Variants in ZFAND2B observed in about 807,000 individuals in gnomAD.
ZFAND2B encodes the protein AN1-type zinc finger protein 2B.
Under a neutral mutation model 38.2 loss-of-function variants are expected in ZFAND2B, and 27 were observed. That is an observed-to-expected ratio of 0.71 (90% CI 0.52 to 0.97). The LOEUF is 0.97. Ranked by LOEUF, ZFAND2B falls within the 50% of genes least tolerant of loss-of-function variation. The pLI is 0.00. For missense variants in ZFAND2B, 303 were observed against 331.5 expected, an observed-to-expected ratio of 0.91 and a Z score of 0.67; for synonymous variants, 111 against 119.4, an observed-to-expected ratio of 0.93 and a Z score of 0.46.
chr2:219,207,291 T>C (rs186791156), intron 1 of ZFAND2B, 36 bp from the exon 2 acceptor site: 2 of 1,602,526 alleles, frequency 1.2e-6, no homozygotes, highest in Non-Finnish European at 1.7e-6. Flanking sequence ...GACATCGAGG[T>C]CCCGCTGGAC....
chr2:219,208,753 C>T, intron 7 of ZFAND2B, 114 bp downstream of exon 7: 1 of 1,278,786 alleles, frequency 7.8e-7, no homozygotes, highest in South Asian at 1.3e-5. Flanking sequence ...AACTTGGTCT[C>T]AAAATTAAGA....
chr2:219,209,484 A>G lies in ZFAND2B; in HGVS notation c.*178A>G, dbSNP rs1950544941. The G allele has an allele frequency of 1.3e-6, 1 of 787,410 alleles. No individual in the cohort carries two copies. The highest frequency in any genetic ancestry group is 2.2e-6 in the Non-Finnish European group (1 of 451,630). 48.8% of individuals were successfully genotyped at this position (787,410 alleles called of 1,614,324 possible). Reference sequence around the variant, plus strand: ...CTAGTGCTCCAGCTGCATGGAAGAGAGCGGCTAGCAACTGTTCCCTGGTTG... The same window carrying G: ...CTAGTGCTCCAGCTGCATGGAAGAGGGCGGCTAGCAACTGTTCCCTGGTTG... On this transcript the variant is annotated 3_prime_UTR_variant, in exon 9 of 9. Coordinates refer to ENST00000289528, the MANE Select transcript of ZFAND2B (RefSeq NM_138802.3).
Position 219,209,265 on chromosome 2 carries a change from C to G in ZFAND2B, c.733C>G (p.Gln245Glu). Reference sequence around the variant, plus strand: ...CCTTCCCCTCTCTTTGCTCTAGGCCCAGAGCCGCAGCTCGAAGCCGTCCAA... The same window carrying G: ...CCTTCCCCTCTCTTTGCTCTAGGCCGAGAGCCGCAGCTCGAAGCCGTCCAA... ...SEAEYQRQQA[Q>E]SRSSKPSNCS... is the part of the protein sequence containing the mutation. The change falls in exon 9 of 9, where the codon CAG (glutamine) becomes GAG (glutamate). Residue 245 changes from glutamine to glutamate, a missense_variant. Transcript: ENST00000289528. The G allele has an allele frequency of 6.2e-7, 1 of 1,609,222 alleles. No homozygotes were observed. Among genetic ancestry groups the G allele is most frequent in the Non-Finnish European group, 8.5e-7 (1 of 1,178,186 alleles).
chr2:219,208,783 C>G (rs1231621324), intron 7 of ZFAND2B, 144 bp downstream of exon 7: 2 of 1,109,470 alleles, frequency 1.8e-6, no homozygotes, highest in Non-Finnish European at 2.6e-6. Context: ...TGATCTTTGA[C>G]AAGTTATTTA....
At chr2:219,208,148 G>A in intron 4 of ZFAND2B, 108 bp from the exon 5 acceptor site, 3 of 1,592,432 alleles carry the variant, frequency 1.9e-6, no homozygotes, top group Non-Finnish European at 2.6e-6. Context: ...TCGGCTAGGG[G>A]AGTCTTTTAG....
chr2:219,208,983 G>A lies in ZFAND2B; in HGVS notation c.663G>A (p.Gln221=). Residue 221 remains glutamine, a synonymous_variant, in exon 8 of 9, where the codon CAG becomes CAA. Coordinates refer to ENST00000289528, the MANE Select transcript of ZFAND2B (RefSeq NM_138802.3). ...AACTGTTTCTCCCTCCCAGTTGTCA[G>A]GAGGAAGAAGACCTAGCTTTAGCAC... ...AETKPQVPSC[Q]EEEDLALAQA... 6.2e-7 allele frequency: 1 copy of A among 1,614,190 alleles called. No individual in the cohort carries two copies. The highest frequency in any genetic ancestry group is 8.5e-7 in the Non-Finnish European group (1 of 1,180,032).
In ZFAND2B at chr2:219,208,659, AAG is replaced by A. The variant is rs778498444; in HGVS notation, c.656+25_656+26del. The A allele has an allele frequency of 3.1e-6, 5 of 1,613,688 alleles. No individual in the cohort carries two copies. The highest frequency in any genetic ancestry group is 3.4e-6 in the Non-Finnish European group (4 of 1,179,834). ...TCCAAGGTACCTTACCCTCTTGTGA[AAG>A]AGAGCGCAAGCTGTGGGCAAGGGCT... is the stretch of plus-strand genomic sequence containing the variant. On this transcript the variant is annotated intron_variant, in intron 7 of 8. Coordinates refer to ENST00000289528, the MANE Select transcript of ZFAND2B (RefSeq NM_138802.3).
chr2:219,208,060 A>G (rs1950516122), intron 4 of ZFAND2B, 22 bp downstream of exon 4: 1 of 1,613,640 alleles, frequency 6.2e-7, no homozygotes, highest in East Asian at 2.2e-5. Context: ...CAAGTCCTCC[A>G]CTTGCTTTTG....
At chr2:219,207,548 T>C (rs1353599082) in intron 2 of ZFAND2B, 100 bp from the exon 3 acceptor site, 7 of 1,591,378 alleles carry the variant, frequency 4.4e-6, no homozygotes, top group Non-Finnish European at 5.2e-6. Flanking sequence ...AAACACTGTT[T>C]TTTTGCGTGT....
At position 219,208,570 on chromosome 2, in the gene ZFAND2B, A is replaced by G. The variant is rs1247350445; in HGVS notation, c.589-2A>G. On this transcript the variant is annotated splice_acceptor_variant, in intron 6 of 8. Transcript: ENST00000289528. LOFTEE classifies it high-confidence loss of function. ...ACGCTGGTCTTCTTTCTCCCTTTGTAGAGTGAGGATGAAGCTCTGCAGCGG... is the reference window on the plus strand; with the variant it reads ...ACGCTGGTCTTCTTTCTCCCTTTGTGGAGTGAGGATGAAGCTCTGCAGCGG... 6.2e-7 allele frequency: 1 copy of G among 1,614,140 alleles called. No homozygotes were observed. The highest frequency in any genetic ancestry group is 1.3e-5 in the African/African-American group (1 of 74,962).
At position 219,206,977 on chromosome 2, in the gene ZFAND2B, C is replaced by T. The variant is rs1247895295; in HGVS notation, c.-11C>T. ...CGTCGCTTCTCCTAGCAGACCCTGCCCGGCTTGGCGATGGAGTTTCCGGAC... is the reference window on the plus strand; with the variant it reads ...CGTCGCTTCTCCTAGCAGACCCTGCTCGGCTTGGCGATGGAGTTTCCGGAC... On this transcript the variant is annotated 5_prime_UTR_variant, in exon 1 of 9. Transcript: ENST00000289528. 1.2e-6 allele frequency: 2 copies of T among 1,612,398 alleles called. No homozygotes were observed. Among genetic ancestry groups the T allele is most frequent in the East Asian group, 4.5e-5 (2 of 44,786 alleles).
rs1034112346 is a variant in ZFAND2B, at chr2:219,208,292, T to C, written c.471T>C (p.Ser157=). Residue 157 remains serine, a synonymous_variant, in exon 5 of 9, where the codon TCT becomes TCC. Coordinates refer to ENST00000289528, the MANE Select transcript of ZFAND2B (RefSeq NM_138802.3). The stretch of plus-strand genomic sequence containing the variant: ...TCTCCAGAGCACAAGCTGTGGCTTC[T>C]ACAAGCACTGTCCCCAGCCCAAGTC... ...AAISRAQAVA[S]TSTVPSPSQT... is the part of the protein sequence containing the mutation. 2.5e-6 allele frequency: 4 copies of C among 1,614,100 alleles called. No individual in the cohort carries two copies. Among genetic ancestry groups the C allele is most frequent in the African/African-American group, 1.3e-5 (1 of 74,928 alleles).
rs1272112977 is a variant in ZFAND2B, at chr2:219,207,400, C to T, written c.129C>T (p.His43=). Residue 43 remains histidine, a synonymous_variant, in exon 2 of 9, where the codon CAC becomes CAT. Transcript: ENST00000289528. ...CADHVAYAQH[H]CGSAYQKDIQ... Reference sequence around the variant, plus strand: ...ACCATGTGGCCTACGCCCAGCATCACTGTGGATCTGCTTACCAAAAGGTGA... The same window carrying T: ...ACCATGTGGCCTACGCCCAGCATCATTGTGGATCTGCTTACCAAAAGGTGA... 2.5e-6 allele frequency: 4 copies of T among 1,611,498 alleles called. No individual in the cohort carries two copies. Among genetic ancestry groups the T allele is most frequent in the East Asian group, 2.2e-5 (1 of 44,784 alleles).
intron 3 of ZFAND2B, 28 bp downstream of exon 3, chr2:219,207,807 C>G (rs767520105): frequency 6.2e-7 from 1 of 1,613,756 alleles, no homozygotes; most frequent in Non-Finnish European, 8.5e-7. Context: ...CAGCCACAAC[C>G]CAGCTGGGAC....
In ZFAND2B at chr2:219,209,613, G is replaced by T. The variant is rs1559233431; in HGVS notation, c.*307G>T. 1 of 648,894 alleles carries T rather than the reference G, an allele frequency of 1.5e-6. No individual in the cohort carries two copies. The highest frequency in any genetic ancestry group is 3.0e-5 in the East Asian group (1 of 33,102). 40.2% of individuals were successfully genotyped at this position (648,894 alleles called of 1,614,324 possible). A position where few individuals can be genotyped will look rare whatever the true frequency, so the allele number is the denominator to read the frequency against. ...TGTGGAGTGGGCAGGAAGGGGCCTG[G>T]AAAAAATAAAGGATCTTGGCAGTTG... On this transcript the variant is annotated 3_prime_UTR_variant, in exon 9 of 9. Transcript: ENST00000289528.
Position 219,207,960 on chromosome 2 carries a change from G to A in ZFAND2B, c.356G>A (p.Ser119Asn). Residue 119 changes from serine (S) to asparagine (N), a missense_variant, in exon 4 of 9, where the codon AGC (serine) becomes AAC (asparagine). By Grantham distance (46) the Ser-to-Asn change is conservative (BLOSUM62 1). Transcript: ENST00000289528. Reference sequence around the variant, plus strand: ...ATGAAACTGACCTGTGAACGCTGTAGCCGAAACTTCTGCATCAAGCACCGG... The same window carrying A: ...ATGAAACTGACCTGTGAACGCTGTAACCGAAACTTCTGCATCAAGCACCGG... ...EMMKLTCERC[S>N]RNFCIKHRHP... 1 of 1,614,166 alleles carries A rather than the reference G, an allele frequency of 6.2e-7. No individual in the cohort carries two copies.
In ZFAND2B at chr2:219,208,026, C is replaced by T. The variant is rs185793898; in HGVS notation, c.422C>T (p.Thr141Ile). ...DHDCSGEGHP[T>I]SRAGLAAISR... ...GATTGCTCTGGGGAGGGGCACCCAA[C>T]CAGCCGGGCAGGGTAATGGCAGCCA... The change falls in exon 4 of 9, where the codon ACC becomes ATC. Residue 141 changes from threonine (T) to isoleucine (I), a missense_variant. Coordinates refer to ENST00000289528, the MANE Select transcript of ZFAND2B (RefSeq NM_138802.3). The T allele has an allele frequency of 6.2e-7, 1 of 1,614,080 alleles. No individual in the cohort carries two copies. The highest frequency in any genetic ancestry group is 8.5e-7 in the Non-Finnish European group (1 of 1,180,044).
chr2:219,207,728 A>G lies in ZFAND2B; in HGVS notation c.231A>G (p.Gly77=), dbSNP rs1950508592. ...GGGAGCCCCCTGACCGTGCTGTGGG[A>G]GAGCACATTGACAGAGACTGTCGCT... ...ARGEPPDRAV[G]EHIDRDCRSD... The change falls in exon 3 of 9, where the codon GGA becomes GGG. Residue 77 remains glycine (G), a synonymous_variant. Transcript: ENST00000289528. 2.5e-6 allele frequency: 4 copies of G among 1,614,010 alleles called. No individual in the cohort carries two copies. The highest frequency in any genetic ancestry group is 1.3e-5 in the African/African-American group (1 of 74,916).
rs191631077 is a variant in ZFAND2B, at chr2:219,207,446, A to G, written c.150+25A>G. The G allele has an allele frequency of 1.9e-6, 3 of 1,604,474 alleles. No individual in the cohort carries two copies. In the Admixed American group the frequency reaches 5.0e-5, roughly 27 times the overall value. ...GGTGAGGGGGCGATCCTCAGGGTGAAAGCAGGCAGATGGAGAATGCGTGCA... is the reference window on the plus strand; with the variant it reads ...GGTGAGGGGGCGATCCTCAGGGTGAGAGCAGGCAGATGGAGAATGCGTGCA... On this transcript the variant is annotated intron_variant, in intron 2 of 8. Coordinates refer to ENST00000289528, the MANE Select transcript of ZFAND2B (RefSeq NM_138802.3).
Sources: gnomAD v4.1 joint callset for allele counts on GRCh38, gnomAD v4.1.1 for gene constraint, MANE v1.5 for transcripts, NCBI Gene and HGNC (gene_info 2026-07-23, HGNC 2026-07-21) for gene names.